Variants in SCRIB observed in about 807,000 individuals in gnomAD.
SCRIB encodes protein scribble homolog.
SCRIB carries 72 observed loss-of-function variants against 170.0 expected under a neutral mutation model. The ratio of observed to expected loss-of-function variants is 0.42; its 90% CI spans 0.35 to 0.52. The LOEUF (loss-of-function observed/expected upper bound fraction) is 0.52. Ranked by LOEUF, SCRIB falls within the 20% of genes least tolerant of loss-of-function variation. The pLI, the probability that SCRIB is intolerant of heterozygous loss-of-function variation, is 0.02. For missense variants in SCRIB, 2,475 were observed against 2,338.5 expected (o/e 1.06, Z -1.20); for synonymous variants, 1,298 against 1,044.3 (o/e 1.24, Z -4.68).
intron 24 of SCRIB, among the ~76,000 whole-genome samples, chr8:143,796,216 T>G (rs1329122278): frequency 1.3e-5 from 2 of 152,054 alleles, no homozygotes; most frequent in Non-Finnish European, 2.9e-5. Context: ...GAGGGAACCA[T>G]GGGAAGAGCT....
At position 143,803,484 on chromosome 8, in the gene SCRIB, G is replaced by A; in HGVS notation, c.3502C>T (p.Leu1168=). Residue 1168 remains leucine, a synonymous_variant, in exon 24 of 37, where the codon CTG becomes TTG. Coordinates refer to ENST00000356994, the MANE Select transcript of SCRIB (RefSeq NM_182706.5). ...AGCTGCACCGCCTCGCCGTGCGTCA[G>A]GCCCAGCAGGCTCTGCTGGTTCACC... ...LEVNQQSLLG[L]THGEAVQLLR... is the part of the protein sequence containing the mutation. 2 of 1,601,122 alleles carry A rather than the reference G, an allele frequency of 1.2e-6. No homozygotes were observed. Among genetic ancestry groups the A allele is most frequent in the South Asian group, 1.1e-5 (1 of 90,882 alleles).
Position 143,812,341 on chromosome 8 carries a change from C to T in SCRIB, c.831G>A (p.Arg277=). ...QLSILKVDQN[R]LCEVTEAIGD... is the part of the protein sequence containing the mutation. ...CGATGGCCTCGGTCACCTCGCACAG[C>T]CGATTCTGGTCTACCTTTAGGATGG... Residue 277 remains arginine (R), a synonymous_variant, in exon 9 of 37, where the codon CGG becomes CGA. Transcript: ENST00000356994. 2 of 1,613,892 alleles carry T rather than the reference C, an allele frequency of 1.2e-6. No homozygotes were observed. The highest frequency in any genetic ancestry group is 1.7e-6 in the Non-Finnish European group (2 of 1,179,850).
intron 24 of SCRIB, 48 bp downstream of exon 24, chr8:143,803,335 T>G (rs1271204041): frequency 6.7e-7 from 1 of 1,486,002 alleles, no homozygotes; most frequent in Non-Finnish European, 9.0e-7. Flanking sequence ...TCACAACACC[T>G]TGGGCTGGGC....
At chr8:143,803,060 C>A (rs1171188806) in intron 24 of SCRIB, among the ~76,000 whole-genome samples, 1 of 152,204 alleles carries the variant, frequency 6.6e-6, no homozygotes. Flanking sequence ...TGGGACTCTG[C>A]AGGAGTCACC....
At position 143,811,079 on chromosome 8, in the gene SCRIB, G is replaced by A. The variant is rs761294275; in HGVS notation, c.1107-7C>T. On this transcript the variant is annotated splice_polypyrimidine_tract_variant and splice_region_variant and intron_variant, in intron 10 of 36. Coordinates refer to ENST00000356994, the MANE Select transcript of SCRIB (RefSeq NM_182706.5). ...GAACGGCAGACTCTGCAGGCTGCGG[G>A]CCGGGCGGGCACAGTCAGCAGGCGT... is the stretch of plus-strand genomic sequence containing the variant. 2.5e-6 allele frequency: 4 copies of A among 1,609,896 alleles called. No individual in the cohort carries two copies. Among genetic ancestry groups the A allele is most frequent in the East Asian group, 4.5e-5 (2 of 44,782 alleles).
In SCRIB at chr8:143,792,589, T is replaced by C. The variant is rs146435924; in HGVS notation, c.4224A>G (p.Ala1408=). 2.5e-6 allele frequency: 4 copies of C among 1,586,536 alleles called. No homozygotes were observed. The South Asian group carries it at 4.5e-5, about 18-fold the overall frequency. The change falls in exon 31 of 37, where the codon GCA becomes GCG. Residue 1408 remains alanine, a synonymous_variant. Coordinates refer to ENST00000356994, the MANE Select transcript of SCRIB (RefSeq NM_182706.5). ...CGAGCCTCGCTTCGGCCCCAGCCTC[T>C]GCCGCCTCCCGCAGCATCTGCGCTC... ...QKRAQMLREA[A]EAGAEARLAL... is the part of the protein sequence containing the mutation.
Position 143,808,925 on chromosome 8 carries a change from T to C in SCRIB, c.1799A>G (p.Gln600Arg). 4.3e-5 allele frequency: 69 copies of C among 1,611,880 alleles called. No individual in the cohort carries two copies. The highest frequency in any genetic ancestry group is 5.8e-5 in the Non-Finnish European group (68 of 1,179,976). ...AGGTGTGTCCTTGCGGATGAGCCGC[T>C]GCCTCCCGCCTGGCAGGGTCCAGGG... The part of the protein sequence containing the change: ...EAPWTLPGGR[Q>R]RLIRKDTPHY... Residue 600 changes from glutamine to arginine, a missense_variant, in exon 15 of 37, where the codon CAG (glutamine) becomes CGG (arginine). By Grantham distance (43) the Gln-to-Arg change is conservative. This residue lies in a region of SCRIB where 1,966 missense variants were observed against 1,742.9 expected (regional missense o/e 1.13). Coordinates refer to ENST00000356994, the MANE Select transcript of SCRIB (RefSeq NM_182706.5).
chr8:143,804,698 G>A lies in SCRIB; in HGVS notation c.2879C>T (p.Pro960Leu), dbSNP rs782341906. The A allele has an allele frequency of 8.0e-5, 126 of 1,574,010 alleles. 2 individuals carry two copies. The South Asian group carries it at 1.1e-3, about 13-fold the overall frequency. The change falls in exon 21 of 37, where the codon CCA becomes CTA. Residue 960 changes from proline to leucine, a missense_variant. Around this residue, in one of 3 missense-constraint regions of SCRIB, gnomAD observed 1,966 missense variants for 1,742.9 expected, o/e 1.13. Coordinates refer to ENST00000356994, the MANE Select transcript of SCRIB (RefSeq NM_182706.5). ...AGCAGCGGTGGGGGGTGAGGAATGT[G>A]GCAGAGGGCTGGGAGGAAGAGGGCC... is the stretch of plus-strand genomic sequence containing the variant. ...AGGPLPPSPL[P>L]HSSPPTAAVA...
In SCRIB at chr8:143,804,729, C is replaced by A. The variant is rs781876069; in HGVS notation, c.2848G>T (p.Ala950Ser). The change falls in exon 21 of 37, where the codon GCT (alanine) becomes TCT (serine). Residue 950 changes from alanine (A) to serine (S), a missense_variant. By Grantham distance (99) the Ala-to-Ser change is moderately conservative. Coordinates refer to ENST00000356994, the MANE Select transcript of SCRIB (RefSeq NM_182706.5). The part of the protein sequence containing the change: ...PTIALLLERE[A>S]GGPLPPSPLP... ...GGGCTGGGAGGAAGAGGGCCCCCAG[C>A]CTCCCGCTCCAACAGCAGGGCGATG... 2 of 1,592,216 alleles carry A rather than the reference C, an allele frequency of 1.3e-6. No homozygotes were observed. Among genetic ancestry groups the A allele is most frequent in the Admixed American group, 1.7e-5 (1 of 58,492 alleles).
chr8:143,803,851 C>A lies in SCRIB; in HGVS notation c.3210G>T (p.Thr1070=), dbSNP rs782073476. The change falls in exon 23 of 37, where the codon ACG becomes ACT. Residue 1070 remains threonine (T), a synonymous_variant. Coordinates refer to ENST00000356994, the MANE Select transcript of SCRIB (RefSeq NM_182706.5). ...AVNGQDVRDA[T]HQEAVSALLR... ...GCAGGGCACTGACTGCTTCTTGGTG[C>A]GTGGCATCCCGCACGTCTTGCCCGT... The A allele has an allele frequency of 1.2e-6, 2 of 1,601,618 alleles. No homozygotes were observed. The highest frequency in any genetic ancestry group is 3.4e-5 in the Admixed American group (2 of 58,800).
At chr8:143,793,356 G>T (rs1239109119) in intron 28 of SCRIB, 5 of 401,924 alleles carry the variant, frequency 1.2e-5, no homozygotes, top group Admixed American at 4.2e-5. Context: ...AAAGGCAGGT[G>T]GGGGCGGCGG....
chr8:143,805,057 G>A, intron 19 of SCRIB, 43 bp from the exon 20 acceptor site: 1 of 1,582,750 alleles, frequency 6.3e-7, no homozygotes, highest in Non-Finnish European at 8.6e-7. Flanking sequence ...GGTGAGGCTG[G>A]AGTGCGGCTG....
Position 143,808,729 on chromosome 8 carries a change from T to TTCC in SCRIB, c.1992_1994dup (p.Glu666dup), listed in dbSNP as rs752693021. On this transcript the variant is annotated inframe_insertion, in exon 15 of 37. Transcript: ENST00000356994. ...CCTCCTCCTCCTGAGGACTACCCTC[T>TTCC]TCCTCCTCCTCCTCCTCCTTCTGGG... The TTCC allele has an allele frequency of 2.2e-4, 353 of 1,595,314 alleles. No homozygotes were observed. The African/African-American group carries it at 3.9e-3, about 18-fold the overall frequency.
chr8:143,791,008 G>C lies in SCRIB; in HGVS notation c.*155C>G, dbSNP rs1820053787. 2 of 682,644 alleles carry C rather than the reference G, an allele frequency of 2.9e-6. No individual in the cohort carries two copies. The allele number at this position is 682,644 out of a possible 1,614,324, so 42.3% of individuals were successfully genotyped here. Reference sequence around the variant, plus strand: ...ACATCACTAGTTACAGTCTCGCCGAGGTCTCGGCTGGGGTGGGGCAGTTAG... The same window carrying C: ...ACATCACTAGTTACAGTCTCGCCGACGTCTCGGCTGGGGTGGGGCAGTTAG... On this transcript the variant is annotated 3_prime_UTR_variant, in exon 37 of 37. Coordinates refer to ENST00000356994, the MANE Select transcript of SCRIB (RefSeq NM_182706.5).
chr8:143,808,341 C>T (rs112305296), intron 15 of SCRIB, among the ~76,000 whole-genome samples: 5 of 150,800 alleles, frequency 3.3e-5, no homozygotes, highest in African/African-American at 1.2e-4. Context: ...CTGAGACCAA[C>T]GCCAGGGCAG....
chr8:143,798,902 T>C (rs914015723), intron 24 of SCRIB, among the ~76,000 whole-genome samples: 1 of 150,912 alleles, frequency 6.6e-6, no homozygotes, highest in African/African-American at 2.4e-5. Flanking sequence ...GGGCAGGAAG[T>C]ACAAAGAATG....
intron 24 of SCRIB, among the ~76,000 whole-genome samples, chr8:143,800,149 G>A (rs568172732): frequency 3.3e-5 from 5 of 151,814 alleles, no homozygotes; most frequent in South Asian, 4.2e-4. Flanking sequence ...CAGACATGGC[G>A]TGGACTCCTG....
At chr8:143,791,582 G>T (rs570105502) in intron 35 of SCRIB, 84 bp downstream of exon 35, 4 of 1,510,952 alleles carry the variant, frequency 2.6e-6, no homozygotes, top group Non-Finnish European at 2.8e-6. Flanking sequence ...ACGGCAGAGC[G>T]TGGGGAGGCC....
chr8:143,808,111 G>C (rs1815514031), intron 15 of SCRIB, among the ~76,000 whole-genome samples: 1 of 151,538 alleles, frequency 6.6e-6, no homozygotes, highest in Non-Finnish European at 1.5e-5. Context: ...CCCAACACAA[G>C]AGAGGATCCC....
Sources: gnomAD v4.1 joint callset for allele counts (sites outside exome capture counted in the v4.1 genomes callset) on GRCh38, gnomAD v4.1.1 for gene constraint, gnomAD v4.1.1 regional missense constraint, MANE v1.5 for transcripts, NCBI Gene and HGNC (gene_info 2026-07-23, HGNC 2026-07-21) for gene names.